FSTL4: variants seen among roughly 807,000 people sequenced by gnomAD.
FSTL4 encodes follistatin-related protein 4.
Under a neutral mutation model 78.2 loss-of-function variants are expected in FSTL4, and 28 were observed. The observed-to-expected ratio is 0.36, with a 90% CI of 0.27 to 0.49. The LOEUF is 0.49. Among genes scored for constraint, FSTL4 ranks in the 20% least tolerant of loss-of-function variants. FSTL4 has a pLI of 0.98. For synonymous variants in FSTL4, 422 were observed against 440.5 expected (o/e 0.96, Z 0.53); for missense variants, 922 against 1,084.9 (o/e 0.85, Z 2.11).
At chr5:133,830,260 C>A in the FSTL4 span, among the ~76,000 whole-genome samples, 1 of 152,208 alleles carries the variant, frequency 6.6e-6, no homozygotes, top group African/African-American at 2.4e-5. Flanking sequence ...GATGAGTTAA[C>A]CCCTGGCTGA....
intron 4 of FSTL4, among the ~76,000 whole-genome samples, chr5:133,331,462 A>G (rs751864516): frequency 1.3e-5 from 2 of 152,186 alleles, no homozygotes; most frequent in Non-Finnish European, 2.9e-5. Flanking sequence ...GAACTCCCCA[A>G]ATGTTAACAC....
At chr5:133,620,157 CA>C in the FSTL4 span, among the ~76,000 whole-genome samples, 1 of 152,104 alleles carries the variant, frequency 6.6e-6, no homozygotes, top group Non-Finnish European at 1.5e-5. Context: ...CAAGTGTAGG[CA>C]AAAAACTGTC....
intron 6 of FSTL4, among the ~76,000 whole-genome samples, chr5:133,251,844 G>T (rs1752252815): frequency 6.6e-6 from 1 of 152,218 alleles, no homozygotes; most frequent in East Asian, 1.9e-4. Context: ...TGGCCTCAAG[G>T]GGCATGGAGG....
Position 133,249,582 on chromosome 5 carries a change from G to A in FSTL4, c.728-6C>T, listed in dbSNP as rs1341564042. 1.9e-6 allele frequency: 3 copies of A among 1,605,320 alleles called. No homozygotes were observed. The highest frequency in any genetic ancestry group is 3.3e-5 in the Admixed American group (2 of 59,872). On this transcript the variant is annotated splice_polypyrimidine_tract_variant and splice_region_variant and intron_variant, in intron 6 of 15. Transcript: ENST00000265342. The stretch of plus-strand genomic sequence containing the variant: ...GAGGCTGAGCTGAACCACTTCTGCA[G>A]AGGGAAAGGAGGAGGCACGGTCAGG...
At chr5:133,641,153 G>A in the FSTL4 span, among the ~76,000 whole-genome samples, 11 of 152,260 alleles carry the variant, frequency 7.2e-5, no homozygotes, top group African/African-American at 2.4e-4. Flanking sequence ...GTAACTTGGA[G>A]TATTCCTAAG....
chr5:133,333,143 C>T (rs1293566004), intron 4 of FSTL4, among the ~76,000 whole-genome samples: 2 of 152,212 alleles, frequency 1.3e-5, no homozygotes, highest in African/African-American at 4.8e-5. Flanking sequence ...CCAGCCCCAT[C>T]CTGCACCCTG....
the FSTL4 span, among the ~76,000 whole-genome samples, chr5:133,808,771 G>A: frequency 6.6e-6 from 1 of 152,062 alleles, no homozygotes; most frequent in East Asian, 1.9e-4. Context: ...TTCTGTGCTG[G>A]AGGAGAAGAT....
chr5:133,353,450 C>CCACA (rs1754873384), intron 4 of FSTL4, among the ~76,000 whole-genome samples: 2 of 152,304 alleles, frequency 1.3e-5, no homozygotes, highest in South Asian at 4.1e-4. Context: ...GGGGTCCCTT[C>CCACA]CACACCCCCA....
At chr5:133,693,031 C>T in the FSTL4 span, among the ~76,000 whole-genome samples, 1 of 152,218 alleles carries the variant, frequency 6.6e-6, no homozygotes, top group Non-Finnish European at 1.5e-5. Context: ...TACAACAGTG[C>T]CTGGCACAGA....
At chr5:133,556,467 T>C (rs1759789036) in intron 3 of FSTL4, among the ~76,000 whole-genome samples, 1 of 152,296 alleles carries the variant, frequency 6.6e-6, no homozygotes, top group South Asian at 2.1e-4. Flanking sequence ...GGCTCATACC[T>C]GTAATCCCAA....
the FSTL4 span, among the ~76,000 whole-genome samples, chr5:133,654,675 A>T: frequency 2.0e-5 from 3 of 152,184 alleles, no homozygotes; most frequent in Non-Finnish European, 4.4e-5. Flanking sequence ...CTTGGCCTTC[A>T]AGGACTCCCA....
chr5:133,732,873 C>T, the FSTL4 span, among the ~76,000 whole-genome samples: 1,422 of 152,298 alleles, frequency 9.3e-3, 18 homozygotes, highest in Middle Eastern at 0.061. Context: ...CCAGACCCAG[C>T]CAGTGAACAG....
At chr5:133,603,837 T>C in intron 2 of FSTL4, 21 bp downstream of exon 2, 1 of 1,612,288 alleles carries the variant, frequency 6.2e-7, no homozygotes, top group Non-Finnish European at 8.5e-7. Flanking sequence ...AAATGTTATG[T>C]CCGCAGGGAT....
At chr5:133,760,783 A>C in the FSTL4 span, among the ~76,000 whole-genome samples, 1 of 152,354 alleles carries the variant, frequency 6.6e-6, no homozygotes, top group African/African-American at 2.4e-5. Context: ...AAAGCAAGAA[A>C]AATGAATATC....
chr5:133,220,422 G>T (rs937784365), intron 12 of FSTL4, among the ~76,000 whole-genome samples: 1 of 152,232 alleles, frequency 6.6e-6, no homozygotes, highest in Non-Finnish European at 1.5e-5. Flanking sequence ...TTTCCTGAAG[G>T]CTACTGAGAA....
chr5:133,490,821 T>C (rs1758251878), intron 3 of FSTL4, among the ~76,000 whole-genome samples: 1 of 152,242 alleles, frequency 6.6e-6, no homozygotes, highest in African/African-American at 2.4e-5. Context: ...ATGCAAAGAA[T>C]GTGTATTAGG....
At chr5:133,450,173 A>C (rs184444273) in intron 3 of FSTL4, among the ~76,000 whole-genome samples, 1 of 152,368 alleles carries the variant, frequency 6.6e-6, no homozygotes, top group Admixed American at 6.5e-5. Flanking sequence ...ATGCCCAAGG[A>C]AAAAACAGCC....
intron 13 of FSTL4, among the ~76,000 whole-genome samples, chr5:133,212,894 TAGC>T (rs1750782071): frequency 1.3e-5 from 2 of 151,560 alleles, no homozygotes; most frequent in Admixed American, 6.6e-5. Flanking sequence ...ACCTTCAAAA[TAGC>T]AACAATAAGA....
At chr5:133,200,461 C>A (rs1245219395) in intron 15 of FSTL4, among the ~76,000 whole-genome samples, 1 of 152,244 alleles carries the variant, frequency 6.6e-6, no homozygotes, top group East Asian at 1.9e-4. Context: ...GCACACTGCC[C>A]TGCTAGCTGC....
Sources: allele counts gnomAD v4.1 joint callset (sites outside exome capture counted in the v4.1 genomes callset), GRCh38; gene constraint gnomAD v4.1.1; transcripts MANE v1.5; gene names NCBI Gene and HGNC (gene_info 2026-07-23, HGNC 2026-07-21).